FAM13A: variants seen among roughly 807,000 people sequenced by gnomAD.
The protein encoded by FAM13A is protein FAM13A.
FAM13A carries 76 observed loss-of-function variants against 129.6 expected under a neutral mutation model. That is an observed-to-expected ratio of 0.59 (90% CI 0.49 to 0.71). The LOEUF is 0.71. FAM13A is among the 30% of genes least tolerant of loss of function. FAM13A has a pLI of 0.00. For synonymous variants in FAM13A, 443 were observed against 449.9 expected (o/e 0.98, Z 0.20); for missense variants, 1,108 against 1,249.3 (o/e 0.89, Z 1.70).
intron 8 of FAM13A, among the ~76,000 whole-genome samples, chr4:88,797,633 T>C (rs920564944): frequency 6.6e-6 from 1 of 152,158 alleles, no homozygotes; most frequent in African/African-American, 2.4e-5. Context: ...TTCTCTTTTA[T>C]CATGTATTTG....
chr4:89,050,083 A>G (rs1771365002), intron 1 of FAM13A, among the ~76,000 whole-genome samples: 1 of 152,236 alleles, frequency 6.6e-6, no homozygotes, highest in African/African-American at 2.4e-5. Context: ...ATTACCTAAA[A>G]TCTATCAAGA....
At chr4:88,767,742 CA>C in intron 12 of FAM13A, 147 bp from the exon 13 acceptor site, 1 of 730,232 alleles carries the variant, frequency 1.4e-6, no homozygotes, top group Admixed American at 3.3e-5. Context: ...AAACACAAAA[CA>C]AAAAATTAAT....
chr4:89,018,789 T>A (rs185394609), intron 3 of FAM13A, among the ~76,000 whole-genome samples: 1 of 152,192 alleles, frequency 6.6e-6, no homozygotes, highest in Non-Finnish European at 1.5e-5. Flanking sequence ...CTTGGGTAGT[T>A]TGAAGAGTCT....
intron 4 of FAM13A, among the ~76,000 whole-genome samples, chr4:88,951,916 A>C (rs1014367378): frequency 9.2e-5 from 14 of 152,204 alleles, no homozygotes; most frequent in African/African-American, 3.4e-4. Context: ...ACTATGCATG[A>C]CTTAGAGGGA....
At chr4:88,774,079 C>T (rs576062827) in intron 11 of FAM13A, among the ~76,000 whole-genome samples, 2 of 152,286 alleles carry the variant, frequency 1.3e-5, no homozygotes, top group African/African-American at 2.4e-5. Context: ...TGCCTGTCCT[C>T]AAAGGCTCAG....
chr4:88,964,877 C>T lies in FAM13A; in HGVS notation c.605+26096G>A, dbSNP rs142641921. Reference sequence around the variant, plus strand: ...TCCTGACCTCAAGTGATTCGTCCGCCTCGGCCTCCCAAAGTGCTGGGATTA... The same window carrying T: ...TCCTGACCTCAAGTGATTCGTCCGCTTCGGCCTCCCAAAGTGCTGGGATTA... On this transcript the variant is annotated intron_variant, in intron 4 of 23. Transcript: ENST00000264344. 7.2e-3 allele frequency among the ~76,000 whole-genome samples: 1,096 copies of T among 152,268 alleles called. 8 individuals are homozygous for T. Among genetic ancestry groups the T allele is most frequent in the Non-Finnish European group, 0.012 (811 of 68,028 alleles).
At chr4:88,773,625 G>C (rs1468346199) in intron 11 of FAM13A, among the ~76,000 whole-genome samples, 1 of 152,096 alleles carries the variant, frequency 6.6e-6, no homozygotes, top group African/African-American at 2.4e-5. Context: ...TCAGGGCTTA[G>C]TCCTTGGACC....
intron 4 of FAM13A, among the ~76,000 whole-genome samples, chr4:88,946,397 CG>C (rs1379141810): frequency 6.7e-5 from 7 of 104,268 alleles, no homozygotes; most frequent in Non-Finnish European, 1.4e-4. Flanking sequence ...TTTGCTCCCG[CG>C]TTCTTTTTTT....
At chr4:88,775,203 G>A (rs1721436087) in intron 11 of FAM13A, among the ~76,000 whole-genome samples, 1 of 152,162 alleles carries the variant, frequency 6.6e-6, no homozygotes, top group Admixed American at 6.5e-5. Flanking sequence ...GACCAAGGGA[G>A]AAAGGGTTCA....
chr4:88,937,163 T>C (rs1433965182), intron 5 of FAM13A: 5 of 152,226 alleles, frequency 3.3e-5, no homozygotes, highest in Admixed American at 6.5e-5. Flanking sequence ...TTTTAGATCC[T>C]TTTGTAGGAT....
chr4:88,821,697 A>C (rs1338263135), intron 7 of FAM13A, among the ~76,000 whole-genome samples: 1 of 152,204 alleles, frequency 6.6e-6, no homozygotes, highest in Non-Finnish European at 1.5e-5. Context: ...AAGACTCCAC[A>C]AAGTGTTTTA....
intron 22 of FAM13A, chr4:88,731,631 G>T (rs1025130181): frequency 3.6e-6 from 2 of 553,640 alleles, no homozygotes; most frequent in Non-Finnish European, 6.3e-6. Context: ...GCTTCTGGGG[G>T]TTCCTGCTAC....
intron 6 of FAM13A, among the ~76,000 whole-genome samples, chr4:88,891,163 C>T (rs1452851040): frequency 1.3e-5 from 2 of 152,184 alleles, no homozygotes; most frequent in Non-Finnish European, 2.9e-5. Flanking sequence ...CAGCTCATGC[C>T]TGTAATCTCA....
chr4:89,002,882 T>G (rs554261307), intron 3 of FAM13A, among the ~76,000 whole-genome samples: 205 of 152,204 alleles, frequency 1.3e-3, no homozygotes, highest in African/African-American at 4.7e-3. Context: ...GTGAGATTAT[T>G]TTGGATATTA....
At chr4:88,856,529 C>A (rs936015135) in intron 6 of FAM13A, among the ~76,000 whole-genome samples, 7 of 151,724 alleles carry the variant, frequency 4.6e-5, no homozygotes, top group Admixed American at 2.0e-4. Flanking sequence ...CAAAAAACCC[C>A]AAAAAAACCA....
At chr4:89,031,420 T>TC (rs1560880935) in intron 1 of FAM13A, among the ~76,000 whole-genome samples, 1 of 152,196 alleles carries the variant, frequency 6.6e-6, no homozygotes, top group African/African-American at 2.4e-5. Flanking sequence ...CCATTCTGAC[T>TC]CTTATTAGCT....
chr4:88,750,696 T>C (rs1742398562), intron 14 of FAM13A, 59 bp from the exon 15 acceptor site: 2 of 1,332,756 alleles, frequency 1.5e-6, no homozygotes, highest in African/African-American at 2.9e-5. Context: ...GGTTGTTCTT[T>C]AAAACACAAG....
At chr4:88,919,076 A>G (rs1165546613) in intron 5 of FAM13A, among the ~76,000 whole-genome samples, 1 of 152,122 alleles carries the variant, frequency 6.6e-6, no homozygotes. Flanking sequence ...CTCTGACACT[A>G]TTTTCCCATA....
At chr4:89,007,540 C>A (rs1041544396) in intron 3 of FAM13A, among the ~76,000 whole-genome samples, 1 of 152,180 alleles carries the variant, frequency 6.6e-6, no homozygotes, top group Non-Finnish European at 1.5e-5. Context: ...GACCTTGAAC[C>A]AGAACTGCCC....
Sources: gnomAD v4.1 joint callset for allele counts (sites outside exome capture counted in the v4.1 genomes callset) on GRCh38, gnomAD v4.1.1 for gene constraint, MANE v1.5 for transcripts, NCBI Gene and HGNC (gene_info 2026-07-23, HGNC 2026-07-21) for gene names.